The following LPP variants were observed in gnomAD, a reference collection of about 807,000 sequenced individuals.
LPP encodes lipoma-preferred partner.
A neutral mutation model predicts 60.4 loss-of-function variants in LPP; 38 were observed. That is an observed-to-expected ratio of 0.63 (90% CI 0.49 to 0.83). The LOEUF is 0.83. Ranked by LOEUF, LPP falls within the 40% of genes least tolerant of loss-of-function variation. The pLI, the probability that LPP is intolerant of heterozygous loss-of-function variation, is 0.00. For synonymous variants in LPP, 328 were observed against 290.8 expected, an observed-to-expected ratio of 1.13 and a Z score of -1.30; for missense variants, 902 against 783.6, an observed-to-expected ratio of 1.15 and a Z score of -1.80.
At chr3:188,391,387 C>T (rs186241432) in intron 3 of LPP, among the ~76,000 whole-genome samples, 1 of 152,186 alleles carries the variant, frequency 6.6e-6, no homozygotes, top group Non-Finnish European at 1.5e-5. Context: ...CATAGGCACT[C>T]AGGATTTATT....
intron 1 of LPP, among the ~76,000 whole-genome samples, chr3:188,188,398 C>T (rs1727201206): frequency 6.6e-6 from 1 of 152,194 alleles, no homozygotes; most frequent in South Asian, 2.1e-4. Flanking sequence ...ACTGAGTTAT[C>T]ACCCTCCTTA....
At chr3:188,583,990 C>T (rs1359766965) in intron 6 of LPP, among the ~76,000 whole-genome samples, 1 of 152,182 alleles carries the variant, frequency 6.6e-6, no homozygotes, top group Admixed American at 6.5e-5. Flanking sequence ...AGCAACATTT[C>T]TATCCCTGCC....
At chr3:188,497,776 G>A (rs1383959005) in intron 5 of LPP, among the ~76,000 whole-genome samples, 4 of 152,162 alleles carry the variant, frequency 2.6e-5, no homozygotes, top group African/African-American at 9.7e-5. Context: ...CATTTTATAA[G>A]TAGAGATGTG....
At chr3:188,678,257 G>C (rs77658882) in intron 7 of LPP, among the ~76,000 whole-genome samples, 4,867 of 152,330 alleles carry the variant, frequency 0.032, 258 homozygotes, top group African/African-American at 0.11. Context: ...TGAGGATGCT[G>C]AAATGTTAGC....
At chr3:188,766,858 G>T (rs1198042890) in intron 9 of LPP, among the ~76,000 whole-genome samples, 2 of 152,062 alleles carry the variant, frequency 1.3e-5, no homozygotes, top group African/African-American at 4.8e-5. Flanking sequence ...TTACCTGTGG[G>T]TATGGAAGGA....
intron 2 of LPP, among the ~76,000 whole-genome samples, chr3:188,319,242 C>CAGAATA (rs1756210958): frequency 6.6e-6 from 1 of 152,086 alleles, no homozygotes; most frequent in Non-Finnish European, 1.5e-5. Flanking sequence ...AAAACAGGGC[C>CAGAATA]AGAATAGTCT....
At chr3:188,868,154 A>G (rs1183024981) in intron 10 of LPP, among the ~76,000 whole-genome samples, 2 of 152,160 alleles carry the variant, frequency 1.3e-5, no homozygotes, top group East Asian at 1.9e-4. Context: ...AAGTGAAAAG[A>G]TCTCAATGGG....
chr3:188,314,928 A>G (rs1754599002), intron 2 of LPP, among the ~76,000 whole-genome samples: 1 of 152,174 alleles, frequency 6.6e-6, no homozygotes, highest in Non-Finnish European at 1.5e-5. Flanking sequence ...TTCCCTTGTG[A>G]AAATACCTTC....
chr3:188,527,917 T>C lies in LPP; in HGVS notation c.429+3130T>C, dbSNP rs144105742. On this transcript the variant is annotated intron_variant, in intron 6 of 11. Transcript: ENST00000617246. ...AACAGTGTTTCTGGCTGCAGTAAATTTGGGGTAATGACTTTAGCTTACATC... is the reference window on the plus strand; with the variant it reads ...AACAGTGTTTCTGGCTGCAGTAAATCTGGGGTAATGACTTTAGCTTACATC... Among the ~76,000 whole-genome samples, 26 of 152,144 alleles carry C rather than the reference T, an allele frequency of 1.7e-4. No individual in the cohort carries two copies. The East Asian group carries it at 4.5e-3, about 26-fold the overall frequency.
chr3:188,457,804 G>C (rs1424685632), intron 4 of LPP, among the ~76,000 whole-genome samples: 1 of 151,184 alleles, frequency 6.6e-6, no homozygotes, highest in Non-Finnish European at 1.5e-5. Context: ...AGCTACCTGG[G>C]AGGCTGAGGC....
In LPP at chr3:188,239,526, C is replaced by A. The variant is rs190170047; in HGVS notation, c.-67+13999C>A. On this transcript the variant is annotated intron_variant, in intron 2 of 11. Coordinates refer to ENST00000617246, the MANE Select transcript of LPP (RefSeq NM_001375462.1). ...TTCTTACTATCGCTATTGGTTTTAA[C>A]AAAATTTTTAAAGAGGGCTATCACA... Among the ~76,000 whole-genome samples, 17 of 152,222 alleles carry A rather than the reference C, an allele frequency of 1.1e-4. No individual in the cohort carries two copies. In the East Asian group the frequency reaches 3.3e-3, roughly 29 times the overall value.
chr3:188,194,376 G>A (rs972375118), intron 1 of LPP, among the ~76,000 whole-genome samples: 1 of 152,142 alleles, frequency 6.6e-6, no homozygotes, highest in African/African-American at 2.4e-5. Flanking sequence ...GAAGTTGTTT[G>A]GGCTGGAGAA....
At chr3:188,853,404 C>T (rs1459336486) in intron 9 of LPP, among the ~76,000 whole-genome samples, 1 of 152,158 alleles carries the variant, frequency 6.6e-6, no homozygotes, top group Non-Finnish European at 1.5e-5. Context: ...GAGTGATTAA[C>T]AGAAGAGGTA....
At chr3:188,269,607 C>T (rs1736878901) in intron 2 of LPP, among the ~76,000 whole-genome samples, 1 of 148,992 alleles carries the variant, frequency 6.7e-6, no homozygotes, top group African/African-American at 2.5e-5. Flanking sequence ...ATGCCTAACA[C>T]ATGTTCTGAT....
chr3:188,446,936 G>A (rs1795365331), intron 4 of LPP, among the ~76,000 whole-genome samples: 1 of 152,156 alleles, frequency 6.6e-6, no homozygotes, highest in African/African-American at 2.4e-5. Flanking sequence ...GCAGGTGCTG[G>A]TGACCACAGG....
At chr3:188,351,991 A>ACC (rs1765990835) in intron 3 of LPP, among the ~76,000 whole-genome samples, 2 of 152,026 alleles carry the variant, frequency 1.3e-5, no homozygotes, top group South Asian at 4.1e-4. Flanking sequence ...TGCACTTACT[A>ACC]CATTTTACTC....
chr3:188,433,207 TGAAC>T, intron 4 of LPP, among the ~76,000 whole-genome samples: 1 of 152,272 alleles, frequency 6.6e-6, no homozygotes, highest in Admixed American at 6.5e-5. Context: ...ACTGGAGTAT[TGAAC>T]GTTATAGTGA....
In LPP at chr3:188,203,485, ATT is replaced by A. The variant is rs1291235981; in HGVS notation, c.-189-21916_-189-21915del. ...TATATATATTTTTAAATATATATAT[ATT>A]TTTAAATATATATAAATATATATAT... is the stretch of plus-strand genomic sequence containing the variant. On this transcript the variant is annotated intron_variant, in intron 1 of 11. Coordinates refer to ENST00000617246, the MANE Select transcript of LPP (RefSeq NM_001375462.1). Among the ~76,000 whole-genome samples, 129 of 82,968 alleles carry A rather than the reference ATT, an allele frequency of 1.6e-3. 1 individual carries two copies. Among genetic ancestry groups the A allele is most frequent in the East Asian group, 2.3e-3 (7 of 3,040 alleles). The allele number at this position is 82,968 out of a possible 152,430, so 54.4% of individuals were successfully genotyped here.
At chr3:188,657,281 T>TATATATATATATATATATATATATATA (rs10529848) in intron 7 of LPP, among the ~76,000 whole-genome samples, 20 of 143,584 alleles carry the variant, frequency 1.4e-4, no homozygotes, top group African/African-American at 2.3e-4. Flanking sequence ...TATATATATA[T>TATATATATATATATATATATATATATA]TTCCAAAAGC....
Sources: gnomAD v4.1 joint callset for allele counts (sites outside exome capture counted in the v4.1 genomes callset) on GRCh38, gnomAD v4.1.1 for gene constraint, MANE v1.5 for transcripts, NCBI Gene and HGNC (gene_info 2026-07-23, HGNC 2026-07-21) for gene names.